Variants in ITPR1 observed in about 807,000 individuals in gnomAD.
ITPR1 encodes the protein inositol 1,4,5-trisphosphate-gated calcium channel ITPR1.
ITPR1 carries 96 observed loss-of-function variants against 318.4 expected under a neutral mutation model. The observed-to-expected ratio is 0.30, with a 90% CI of 0.26 to 0.36. The LOEUF (loss-of-function observed/expected upper bound fraction) is 0.36, where lower values mean the gene tolerates loss of function less well. Among genes scored for constraint, ITPR1 ranks in the 10% least tolerant of loss-of-function variants. ITPR1 has a pLI of 1.00. For missense variants in ITPR1, 2,440 were observed against 3,460.2 expected (o/e 0.71, Z 7.40); for synonymous variants, 1,312 against 1,289.9 (o/e 1.02, Z -0.37).
intron 42 of ITPR1, among the ~76,000 whole-genome samples, chr3:4,731,543 A>AT (rs947415549): frequency 5.3e-5 from 8 of 151,954 alleles, no homozygotes; most frequent in African/African-American, 1.5e-4. Flanking sequence ...GAAATTTGGG[A>AT]TTTTTTTGTT....
chr3:4,687,327 G>C (rs2094411274), intron 30 of ITPR1, among the ~76,000 whole-genome samples: 1 of 152,192 alleles, frequency 6.6e-6, no homozygotes, highest in Non-Finnish European at 1.5e-5. Context: ...CACTGTCTAA[G>C]CACTTCATGT....
At chr3:4,784,773 T>C (rs1575236462) in intron 51 of ITPR1, among the ~76,000 whole-genome samples, 2 of 149,746 alleles carry the variant, frequency 1.3e-5, no homozygotes, top group Admixed American at 6.6e-5. Context: ...GGCACACGCC[T>C]GTAATTCCAG....
chr3:4,532,802 G>A (rs1370334191), intron 4 of ITPR1, among the ~76,000 whole-genome samples: 2 of 152,186 alleles, frequency 1.3e-5, no homozygotes, highest in Non-Finnish European at 2.9e-5. Flanking sequence ...AGAGAATGAG[G>A]GCTAGTGGAT....
At chr3:4,496,315 A>ATT (rs1553600914) in intron 2 of ITPR1, among the ~76,000 whole-genome samples, 1 of 151,042 alleles carries the variant, frequency 6.6e-6, no homozygotes, top group East Asian at 1.9e-4. Context: ...TTTCAAGTTC[A>ATT]TGTGTGTGTG....
At chr3:4,657,400 T>G (rs1284416772) in intron 12 of ITPR1, among the ~76,000 whole-genome samples, 1 of 151,428 alleles carries the variant, frequency 6.6e-6, no homozygotes, top group East Asian at 1.9e-4. Context: ...TTTTTTTGTT[T>G]TTTTTTTTTA....
chr3:4,732,775 A>T (rs2043015186), intron 42 of ITPR1, among the ~76,000 whole-genome samples: 2 of 152,272 alleles, frequency 1.3e-5, no homozygotes, highest in Admixed American at 1.3e-4. Context: ...TCTTAATTTT[A>T]TCAACTTACC....
At chr3:4,688,685 A>G in intron 31 of ITPR1, 65 bp downstream of exon 31, 1 of 1,528,970 alleles carries the variant, frequency 6.5e-7, no homozygotes, top group South Asian at 1.2e-5. Flanking sequence ...GAGGAGGAAC[A>G]GCTTGTTCTT....
At chr3:4,524,913 A>T (rs2082858231) in intron 4 of ITPR1, among the ~76,000 whole-genome samples, 1 of 152,186 alleles carries the variant, frequency 6.6e-6, no homozygotes, top group Non-Finnish European at 1.5e-5. Context: ...GCTCTATCTC[A>T]TAAGGTCATT....
chr3:4,529,581 A>G (rs537567184), intron 4 of ITPR1, among the ~76,000 whole-genome samples: 1 of 152,276 alleles, frequency 6.6e-6, no homozygotes, highest in East Asian at 1.9e-4. Flanking sequence ...AATTAGAGGG[A>G]TTTAGAAAGT....
chr3:4,640,439 C>T (rs1392419835), intron 6 of ITPR1, among the ~76,000 whole-genome samples: 2 of 152,182 alleles, frequency 1.3e-5, no homozygotes, highest in African/African-American at 4.8e-5. Context: ...CTTCCTCCTC[C>T]TTAAGTTCCA....
intron 35 of ITPR1, 104 bp downstream of exon 35, chr3:4,700,045 G>A (rs2094621238): frequency 2.0e-6 from 2 of 987,804 alleles, no homozygotes; most frequent in South Asian, 1.6e-5. Context: ...TGGTCTGCAA[G>A]GCATTAATAC....
intron 4 of ITPR1, among the ~76,000 whole-genome samples, chr3:4,528,000 T>C (rs1040184617): frequency 2.7e-4 from 41 of 152,346 alleles, no homozygotes; most frequent in African/African-American, 7.5e-4. Flanking sequence ...TTTTTCATGC[T>C]TGAGTGATAA....
intron 40 of ITPR1, among the ~76,000 whole-genome samples, chr3:4,718,212 T>C (rs1292989036): frequency 6.6e-6 from 1 of 152,208 alleles, no homozygotes; most frequent in African/African-American, 2.4e-5. Flanking sequence ...AAAATTTTAA[T>C]TTGAGGAATT....
At chr3:4,539,984 CAAAA>C (rs749264815) in intron 4 of ITPR1, among the ~76,000 whole-genome samples, 5 of 94,494 alleles carry the variant, frequency 5.3e-5, no homozygotes, top group Non-Finnish European at 7.3e-5. Context: ...GACTAAGATG[CAAAA>C]AAAAAAAAAA....
At chr3:4,791,046 A>G (rs1001480344) in intron 52 of ITPR1, among the ~76,000 whole-genome samples, 17 of 152,328 alleles carry the variant, frequency 1.1e-4, no homozygotes, top group African/African-American at 3.8e-4. Flanking sequence ...TTCCCATGTG[A>G]TTATCCCACT....
At chr3:4,556,558 C>G (rs1237475774) in intron 4 of ITPR1, among the ~76,000 whole-genome samples, 1 of 148,230 alleles carries the variant, frequency 6.7e-6, no homozygotes, top group Non-Finnish European at 1.5e-5. Context: ...ATGTTAGAAT[C>G]TTCCACCAGG....
intron 4 of ITPR1, among the ~76,000 whole-genome samples, chr3:4,567,982 A>G (rs1478975469): frequency 1.4e-5 from 1 of 73,040 alleles, no homozygotes; most frequent in African/African-American, 4.5e-5. Flanking sequence ...AATTAAGGTG[A>G]GAGTGCTGCT....
chr3:4,760,716 C>T (rs1003149975), intron 44 of ITPR1, among the ~76,000 whole-genome samples: 1 of 152,180 alleles, frequency 6.6e-6, no homozygotes, highest in Non-Finnish European at 1.5e-5. Flanking sequence ...CACCCACATC[C>T]CTTGGCTTGT....
Position 4,800,469 on chromosome 3 carries a change from C to G in ITPR1, c.6976C>G (p.Leu2326Val), listed in dbSNP as rs757055567. The G allele has an allele frequency of 6.2e-7, 1 of 1,614,052 alleles. No homozygotes were observed. Among genetic ancestry groups the G allele is most frequent in the Non-Finnish European group, 8.5e-7 (1 of 1,179,898 alleles). ...GTCGGGACTCCTGTGGACAGCCATG[C>G]TCATCTCTCTGGCCATCGTCATTGC... ...HWSGLLWTAM[L>V]ISLAIVIALP... Residue 2326 changes from leucine (L) to valine (V), a missense_variant, in exon 54 of 62, where the codon CTC (leucine) becomes GTC (valine). By Grantham distance (32) the Leu-to-Val change is conservative. This residue lies in a region of ITPR1 where 126 missense variants were observed against 150.8 expected (regional missense o/e 0.84). Transcript: ENST00000649015.
Sources: allele counts gnomAD v4.1 joint callset (sites outside exome capture counted in the v4.1 genomes callset), GRCh38; gene constraint gnomAD v4.1.1; regional missense constraint gnomAD v4.1.1; transcripts MANE v1.5; gene names NCBI Gene and HGNC (gene_info 2026-07-23, HGNC 2026-07-21).